WDR17: variants seen among roughly 807,000 people sequenced by gnomAD.
WDR17 encodes the protein WD repeat-containing protein 17.
In WDR17, 143 loss-of-function variants were observed where a neutral mutation model predicts 161.7. The ratio of observed to expected loss-of-function variants is 0.88; its 90% CI spans 0.77 to 1.02. The LOEUF (loss-of-function observed/expected upper bound fraction) is 1.02. Ranked by LOEUF, WDR17 falls within the 50% of genes least tolerant of loss-of-function variation. The pLI is 0.00. For missense variants in WDR17, 1,469 were observed against 1,520.9 expected (o/e 0.97, Z 0.57); for synonymous variants, 517 against 515.6 (o/e 1.00, Z -0.04).
intron 22 of WDR17, among the ~76,000 whole-genome samples, chr4:176,167,665 A>C (rs868056950): frequency 3.7e-5 from 5 of 134,230 alleles, no homozygotes; most frequent in East Asian, 2.0e-4. Context: ...AAAAAAAAAA[A>C]AAAAAAACAA....
chr4:176,162,223 G>C, intron 21 of WDR17, 49 bp downstream of exon 21: 1 of 1,543,122 alleles, frequency 6.5e-7, no homozygotes, highest in East Asian at 2.3e-5. Context: ...TTTTAGATAT[G>C]TCATGGTGTT....
At chr4:176,122,921 G>A (rs1457603943) in intron 4 of WDR17, among the ~76,000 whole-genome samples, 1 of 152,146 alleles carries the variant, frequency 6.6e-6, no homozygotes, top group African/African-American at 2.4e-5. Context: ...AGATGATCCA[G>A]CTGAGCTTTA....
chr4:176,150,111 A>G lies in WDR17; in HGVS notation c.2116A>G (p.Ile706Val). ...GKVSRDIRQE[I>V]EKLTANSQVK... ...AGTGTCAAGAGATATTAGACAGGAA[A>G]TAGAAAAACTAACTGCTAATTCTCA... The change falls in exon 15 of 29, where the codon ATA becomes GTA. Residue 706 changes from isoleucine to valine, a missense_variant. Ile to Val is a conservative substitution (Grantham distance 29). Transcript: ENST00000508596. 1 of 1,614,012 alleles carries G rather than the reference A, an allele frequency of 6.2e-7. No homozygotes were observed. Among genetic ancestry groups the G allele is most frequent in the South Asian group, 1.1e-5 (1 of 91,076 alleles).
chr4:176,170,546 C>A (rs4521294), intron 23 of WDR17, among the ~76,000 whole-genome samples: 1 of 152,044 alleles, frequency 6.6e-6, no homozygotes, highest in Admixed American at 6.6e-5. Context: ...AACTCCTGAC[C>A]TCAGGTGATC....
At chr4:176,135,064 G>A in intron 7 of WDR17, 44 bp from the exon 8 acceptor site, 1 of 1,581,784 alleles carries the variant, frequency 6.3e-7, no homozygotes, top group Non-Finnish European at 8.7e-7. Context: ...TTAATAATGT[G>A]AATTTTCCTC....
At position 176,181,817 on chromosome 4, in the gene WDR17, T is replaced by TA. The variant is rs1307199434; in HGVS notation, c.*2242dup. 1 of 152,052 alleles carries TA rather than the reference T, an allele frequency of 6.6e-6. No homozygotes were observed. The highest frequency in any genetic ancestry group is 2.4e-5 in the African/African-American group (1 of 41,448). The allele number at this position is 152,052 out of a possible 1,614,324, so 9.4% of individuals were successfully genotyped here. The stretch of plus-strand genomic sequence containing the variant: ...TGCAGGAAAATAATATTTTTATGTA[T>TA]AAAAGATGAAGAAAAAATTTTGCAA... On this transcript the variant is annotated 3_prime_UTR_variant, in exon 29 of 29. Transcript: ENST00000508596.
chr4:176,100,860 G>T (rs1353614444), intron 1 of WDR17, among the ~76,000 whole-genome samples: 1 of 151,982 alleles, frequency 6.6e-6, no homozygotes, highest in Admixed American at 6.6e-5. Flanking sequence ...CTCACTCTGT[G>T]TTCTTGTTGG....
Position 176,169,286 on chromosome 4 carries a change from A to T in WDR17, c.3102+503A>T, listed in dbSNP as rs557152550. Among the ~76,000 whole-genome samples the T allele has an allele frequency of 8.5e-5, 13 of 152,324 alleles. No individual in the cohort carries two copies. In the South Asian group the frequency reaches 2.7e-3, roughly 32 times the overall value. On this transcript the variant is annotated intron_variant, in intron 23 of 28. Transcript: ENST00000508596. ...AAAATACTCATCTGCAGAATATAGG[A>T]ATCTATGCATCAATATTATATACAA... is the stretch of plus-strand genomic sequence containing the variant.
At chr4:176,104,755 G>C (rs1443222445) in intron 1 of WDR17, among the ~76,000 whole-genome samples, 1 of 151,928 alleles carries the variant, frequency 6.6e-6, no homozygotes, top group Non-Finnish European at 1.5e-5. Context: ...AAGAAAATGA[G>C]AAAGGAATTC....
intron 1 of WDR17, among the ~76,000 whole-genome samples, chr4:176,092,491 C>A (rs1736257520): frequency 6.6e-6 from 1 of 152,024 alleles, no homozygotes; most frequent in South Asian, 2.1e-4. Context: ...ATCTGAAAGC[C>A]TTTTACTATT....
intron 8 of WDR17, among the ~76,000 whole-genome samples, 172 bp from the exon 9 acceptor site, chr4:176,137,348 C>T (rs1442172182): frequency 4.0e-5 from 6 of 151,498 alleles, no homozygotes; most frequent in Non-Finnish European, 7.4e-5. Context: ...GTAATGGATA[C>T]ATTAACTTTA....
chr4:176,165,096 G>A (rs1254725401), intron 22 of WDR17, among the ~76,000 whole-genome samples: 1 of 151,504 alleles, frequency 6.6e-6, no homozygotes, highest in African/African-American at 2.4e-5. Flanking sequence ...TGAGGCCAAG[G>A]TGGGTGGATC....
At chr4:176,179,199 T>C (rs1751882351) in intron 28 of WDR17, among the ~76,000 whole-genome samples, 1 of 152,208 alleles carries the variant, frequency 6.6e-6, no homozygotes, top group South Asian at 2.1e-4. Context: ...GGCATTACTA[T>C]TGTATTTAAA....
chr4:176,116,039 A>G, intron 3 of WDR17, 60 bp downstream of exon 3: 1 of 1,458,102 alleles, frequency 6.9e-7, no homozygotes, highest in South Asian at 1.3e-5. Context: ...AACAAGCACT[A>G]TCAATATTAT....
At chr4:176,169,511 GTATGTATT>G (rs1193297210) in intron 23 of WDR17, among the ~76,000 whole-genome samples, 1 of 39,574 alleles carries the variant, frequency 2.5e-5, no homozygotes, top group Non-Finnish European at 7.0e-5. Context: ...AAATGTGAAT[GTATGTATT>G]TATTTATGTT....
chr4:176,076,147 ATAAAT>A lies in WDR17; in HGVS notation c.-7+10071_-7+10075del, dbSNP rs560491367. Among the ~76,000 whole-genome samples, 541 of 150,966 alleles carry A rather than the reference ATAAAT, an allele frequency of 3.6e-3. 4 individuals are homozygous for A. The highest frequency in any genetic ancestry group is 0.012 in the African/African-American group (497 of 40,996). On this transcript the variant is annotated intron_variant, in intron 1 of 28. Transcript: ENST00000508596. ...TAGTTGCTCATTAGAGTGTAAAGAA[ATAAAT>A]TAGCCTTGAATTTGCCTTAATATAC...
intron 1 of WDR17, among the ~76,000 whole-genome samples, chr4:176,096,083 C>A (rs920514132): frequency 1.3e-5 from 2 of 151,944 alleles, no homozygotes; most frequent in Non-Finnish European, 2.9e-5. Context: ...TCATTGTATA[C>A]CTTTTAACTT....
chr4:176,139,961 A>C lies in WDR17; in HGVS notation c.1429A>C (p.Ser477Arg). The C allele has an allele frequency of 3.1e-6, 5 of 1,611,352 alleles. No homozygotes were observed. The highest frequency in any genetic ancestry group is 4.2e-6 in the Non-Finnish European group (5 of 1,178,190). Residue 477 changes from serine (S) to arginine (R), a missense_variant, in exon 10 of 29, where the codon AGT becomes CGT. Ser to Arg is a moderately radical substitution (Grantham distance 110). Coordinates refer to ENST00000508596, the MANE Select transcript of WDR17 (RefSeq NM_181265.4). Reference sequence around the variant, plus strand: ...TTCTAAAAGAATAGCAACCTGCAGCAGTGATGGTTTCTGGTAAGTACTATG... The same window carrying C: ...TTCTAAAAGAATAGCAACCTGCAGCCGTGATGGTTTCTGGTAAGTACTATG... ...KDSKRIATCSSDGFCIIRTID... is the reference protein window; with the variant it reads ...KDSKRIATCSRDGFCIIRTID...
At chr4:176,149,657 A>T (rs1746792275) in intron 13 of WDR17, 150 bp from the exon 14 acceptor site, 1 of 752,310 alleles carries the variant, frequency 1.3e-6, no homozygotes, top group East Asian at 2.9e-5. Flanking sequence ...CAGCCAGTAT[A>T]TTAAATGCAG....
Sources: allele counts gnomAD v4.1 joint callset (sites outside exome capture counted in the v4.1 genomes callset), GRCh38; gene constraint gnomAD v4.1.1; transcripts MANE v1.5; gene names NCBI Gene and HGNC (gene_info 2026-07-23, HGNC 2026-07-21).